Variants in DOK5 observed in about 807,000 individuals in gnomAD.
The protein encoded by DOK5 is docking protein 5.
Under a neutral mutation model 43.3 loss-of-function variants are expected in DOK5, and 27 were observed. The ratio of observed to expected loss-of-function variants is 0.62; its 90% CI spans 0.46 to 0.86. DOK5 has a LOEUF of 0.86. Among genes scored for constraint, DOK5 ranks in the 40% least tolerant of loss-of-function variants. The probability of loss-of-function intolerance (pLI) is 0.00; values close to 1 mark genes in which losing one functional copy is unlikely to be tolerated. For missense variants in DOK5, 373 were observed against 392.9 expected (o/e 0.95, Z 0.43); for synonymous variants, 146 against 140.1 (o/e 1.04, Z -0.30).
At chr20:54,643,186 C>T (rs1279847470) in intron 6 of DOK5, among the ~76,000 whole-genome samples, 2 of 152,098 alleles carry the variant, frequency 1.3e-5, no homozygotes, top group African/African-American at 2.4e-5. Flanking sequence ...GGGAATCAGC[C>T]CCACCGGGAC....
At chr20:54,616,307 T>G (rs1374786538) in intron 6 of DOK5, among the ~76,000 whole-genome samples, 1 of 152,190 alleles carries the variant, frequency 6.6e-6, no homozygotes, top group Admixed American at 6.5e-5. Context: ...CTAGACACGT[T>G]TTCTTTATCC....
chr20:54,491,448 G>A (rs907715106), intron 1 of DOK5, among the ~76,000 whole-genome samples: 1 of 152,142 alleles, frequency 6.6e-6, no homozygotes, highest in African/African-American at 2.4e-5. Flanking sequence ...GATTCTTGTA[G>A]CCTTTTTGCA....
At chr20:54,580,889 T>C (rs1433330349) in intron 2 of DOK5, among the ~76,000 whole-genome samples, 1 of 152,104 alleles carries the variant, frequency 6.6e-6, no homozygotes, top group African/African-American at 2.4e-5. Flanking sequence ...GATGTAGTCC[T>C]ACTTGTCTAT....
chr20:54,597,763 G>C (rs764035955), intron 5 of DOK5, among the ~76,000 whole-genome samples: 2 of 151,838 alleles, frequency 1.3e-5, no homozygotes, highest in African/African-American at 2.4e-5. Context: ...AAACTCCATA[G>C]ATTTCTAAGA....
intron 2 of DOK5, among the ~76,000 whole-genome samples, chr20:54,586,369 G>A (rs1284585964): frequency 6.6e-6 from 1 of 152,160 alleles, no homozygotes; most frequent in East Asian, 1.9e-4. Flanking sequence ...TGGGGGAAAA[G>A]TGAAATTTCC....
intron 5 of DOK5, among the ~76,000 whole-genome samples, chr20:54,596,169 C>T (rs1298477195): frequency 6.6e-6 from 1 of 152,158 alleles, no homozygotes; most frequent in African/African-American, 2.4e-5. Flanking sequence ...CATTCGTGTT[C>T]CACACCAAGC....
At chr20:54,479,288 T>C (rs556923958) in intron 1 of DOK5, among the ~76,000 whole-genome samples, 1 of 152,336 alleles carries the variant, frequency 6.6e-6, no homozygotes, top group Non-Finnish European at 1.5e-5. Flanking sequence ...CACATCTGTA[T>C]TCCCCAGCTT....
At chr20:54,496,390 A>C (rs1448685686) in intron 1 of DOK5, among the ~76,000 whole-genome samples, 1 of 152,218 alleles carries the variant, frequency 6.6e-6, no homozygotes, top group African/African-American at 2.4e-5. Flanking sequence ...TCTGATCTAG[A>C]GAGGCATGCA....
intron 5 of DOK5, among the ~76,000 whole-genome samples, chr20:54,594,973 G>C (rs753762619): frequency 3.3e-5 from 5 of 152,136 alleles, no homozygotes; most frequent in Non-Finnish European, 7.4e-5. Context: ...CTTGGAGGCT[G>C]GTATGTTTGA....
chr20:54,540,872 G>A (rs2146715175), intron 1 of DOK5, among the ~76,000 whole-genome samples: 1 of 149,222 alleles, frequency 6.7e-6, no homozygotes, highest in Non-Finnish European at 1.5e-5. Flanking sequence ...CAGCCCTATA[G>A]GGAAGATAAT....
At chr20:54,502,097 A>G (rs958201752) in intron 1 of DOK5, among the ~76,000 whole-genome samples, 1 of 152,244 alleles carries the variant, frequency 6.6e-6, no homozygotes, top group African/African-American at 2.4e-5. Context: ...CTGTACTGAC[A>G]GAACGTGCAT....
rs147603088 is a variant in DOK5, at chr20:54,561,030, A to G, written c.174+5990A>G. On this transcript the variant is annotated intron_variant, in intron 2 of 7. Coordinates refer to ENST00000262593, the MANE Select transcript of DOK5 (RefSeq NM_018431.5). ...TTGTCTTTGACTTACTCTCTTCCAT[A>G]TTCCCTCTCAAATCAATCCATCACC... Among the ~76,000 whole-genome samples the G allele has an allele frequency of 3.1e-3, 472 of 152,264 alleles. 4 individuals carry two copies. Among genetic ancestry groups the G allele is most frequent in the African/African-American group, 0.011 (441 of 41,554 alleles).
intron 6 of DOK5, among the ~76,000 whole-genome samples, chr20:54,636,045 A>G (rs1600756575): frequency 6.6e-6 from 1 of 152,090 alleles, no homozygotes; most frequent in East Asian, 1.9e-4. Flanking sequence ...GTGGTGAAAG[A>G]GCAGAGAGGG....
At chr20:54,490,636 A>C (rs1982129637) in intron 1 of DOK5, among the ~76,000 whole-genome samples, 2 of 152,154 alleles carry the variant, frequency 1.3e-5, no homozygotes, top group Non-Finnish European at 2.9e-5. Flanking sequence ...ACCAGGCTGG[A>C]GTGCAGTGGC....
chr20:54,585,309 G>A (rs908459032), intron 2 of DOK5, among the ~76,000 whole-genome samples: 3 of 152,070 alleles, frequency 2.0e-5, no homozygotes, highest in African/African-American at 7.2e-5. Context: ...CCTGAGCGGG[G>A]GTGTTCAGTT....
At chr20:54,544,667 A>T (rs568942369) in intron 1 of DOK5, among the ~76,000 whole-genome samples, 1 of 152,238 alleles carries the variant, frequency 6.6e-6, no homozygotes, top group Non-Finnish European at 1.5e-5. Flanking sequence ...GGATAGTTTG[A>T]TGGGCAAGGG....
chr20:54,564,428 CA>C (rs1031670202), intron 2 of DOK5, among the ~76,000 whole-genome samples: 2 of 151,516 alleles, frequency 1.3e-5, no homozygotes, highest in Admixed American at 6.6e-5. Flanking sequence ...AAGACTCCGT[CA>C]AAAAAAAGAT....
intron 6 of DOK5, among the ~76,000 whole-genome samples, chr20:54,612,694 A>G (rs998273785): frequency 2.0e-5 from 3 of 152,210 alleles, no homozygotes; most frequent in African/African-American, 4.8e-5. Flanking sequence ...TTCAGACTGC[A>G]TATCTTGGTG....
At chr20:54,562,176 G>A (rs1224021459) in intron 2 of DOK5, among the ~76,000 whole-genome samples, 3 of 152,200 alleles carry the variant, frequency 2.0e-5, no homozygotes, top group East Asian at 1.9e-4. Flanking sequence ...TTCCAACATA[G>A]TGTCTCATGC....
Sources: allele counts gnomAD v4.1 joint callset (sites outside exome capture counted in the v4.1 genomes callset), GRCh38; gene constraint gnomAD v4.1.1; transcripts MANE v1.5; gene names NCBI Gene and HGNC (gene_info 2026-07-23, HGNC 2026-07-21).